TPSG1: variants seen among roughly 807,000 people sequenced by gnomAD.
TPSG1 encodes tryptase gamma.
Under a neutral mutation model 23.8 loss-of-function variants are expected in TPSG1, and 43 were observed. That is an observed-to-expected ratio of 1.81 (90% CI 1.42 to 2.33). The LOEUF (loss-of-function observed/expected upper bound fraction) is 2.33, where lower values mean the gene tolerates loss of function less well. Ranked by LOEUF, TPSG1 falls within the 30% of genes most tolerant of loss-of-function variation. The pLI, the probability that TPSG1 is intolerant of heterozygous loss-of-function variation, is 0.00. For synonymous variants in TPSG1, 302 were observed against 201.3 expected (o/e 1.50, Z -4.23); for missense variants, 623 against 438.6 (o/e 1.42, Z -3.75).
chr16:1,225,141 C>A (rs986118937), intron 1 of TPSG1, 66 bp downstream of exon 1: 20 of 1,530,152 alleles, frequency 1.3e-5, no homozygotes, highest in Middle Eastern at 1.7e-4. Flanking sequence ...CCAGTTTCAC[C>A]CCCATCAGGG....
In TPSG1 at chr16:1,224,487, A is replaced by G. The variant is rs543733083; in HGVS notation, c.73+115T>C. On this transcript the variant is annotated intron_variant, in intron 2 of 5. Transcript: ENST00000234798. ...ATGCGAGCAGAAACCACGGCGACAA[A>G]CTATGACCTCCCCGGGCCCCCATTG... 2.2e-3 allele frequency: 3,161 copies of G among 1,410,014 alleles called. 14 individuals are homozygous for G. Among genetic ancestry groups the G allele is most frequent in the South Asian group, 2.1e-3 (169 of 80,422 alleles). 87.3% of individuals were successfully genotyped at this position (1,410,014 alleles called of 1,614,324 possible).
At chr16:1,223,193 A>G (rs75241984) in intron 3 of TPSG1, among the ~76,000 whole-genome samples, 2 of 152,196 alleles carry the variant, frequency 1.3e-5, no homozygotes, top group Admixed American at 1.3e-4. Context: ...CCACGTGAAG[A>G]GACCGAGGGG....
intron 1 of TPSG1, 175 bp from the exon 2 acceptor site, chr16:1,224,803 T>A: frequency 1.3e-6 from 1 of 760,780 alleles, no homozygotes; most frequent in Non-Finnish European, 2.1e-6. Context: ...CAGGGCTGGG[T>A]GGGACAAGCC....
At chr16:1,223,355 C>T (rs1367729690) in intron 3 of TPSG1, 68 bp downstream of exon 3, 1 of 1,480,352 alleles carries the variant, frequency 6.8e-7, no homozygotes, top group Non-Finnish European at 9.0e-7. Flanking sequence ...AAGTGGAGGC[C>T]TCTGCGCTGG....
intron 1 of TPSG1, 62 bp from the exon 2 acceptor site, chr16:1,224,690 CCA>C: frequency 6.2e-7 from 1 of 1,609,010 alleles, no homozygotes; most frequent in Non-Finnish European, 8.5e-7. Flanking sequence ...TGTGCGGGCT[CCA>C]GAGGCCCCTG....
intron 1 of TPSG1, 93 bp downstream of exon 1, chr16:1,225,114 C>T: frequency 4.8e-6 from 7 of 1,468,722 alleles, no homozygotes; most frequent in South Asian, 1.2e-5. Context: ...GCATGTTTCT[C>T]CGTCTCAGAC....
At position 1,221,946 on chromosome 16, in the gene TPSG1, T is replaced by G. The variant is rs776986160; in HGVS notation, c.808A>C (p.Thr270Pro). Residue 270 changes from threonine (T) to proline (P), a missense_variant, in exon 6 of 6, where the codon ACA (threonine) becomes CCA (proline). By Grantham distance (38) the Thr-to-Pro change is conservative. Transcript: ENST00000234798. ...CCAGACTCTGAGCCCCCTGATGCTG[T>G]GATGTGGCGGCGGATCCAGTTCACG... ...AYVNWIRRHI[T>P]ASGGSESGYP... 29 of 1,611,908 alleles carry G rather than the reference T, an allele frequency of 1.8e-5. No homozygotes were observed. In the Admixed American group the frequency reaches 4.8e-4, roughly 27 times the overall value.
At chr16:1,223,271 G>T (rs1483324390) in intron 3 of TPSG1, 152 bp downstream of exon 3, 12 of 1,056,222 alleles carry the variant, frequency 1.1e-5, no homozygotes, top group Middle Eastern at 3.2e-4. Context: ...CACAGAAGGT[G>T]GGCAACCAGC....
rs2029967105 is a variant in TPSG1, at chr16:1,223,550, C to T, written c.118G>A (p.Gly40Arg). Residue 40 changes from glycine (G) to arginine (R), a missense_variant, in exon 3 of 6, where the codon GGG becomes AGG. Physicochemically the swap from Gly to Arg is moderately radical, Grantham distance 125. Coordinates refer to ENST00000234798, the MANE Select transcript of TPSG1 (RefSeq NM_012467.4). ...GCGCCGGCCGGGGCAGCGTGACCCC[C>T]CACGATCCGGCCGCCTGCATCCGAA... ...QVSDAGGRIV[G>R]GHAAPAGAWP... 1 of 1,547,154 alleles carries T rather than the reference C, an allele frequency of 6.5e-7. No homozygotes were observed. The highest frequency in any genetic ancestry group is 1.2e-5 in the South Asian group (1 of 84,210).
intron 2 of TPSG1, chr16:1,224,101 TAAG>T (rs1294514849): frequency 3.1e-5 from 6 of 191,196 alleles, no homozygotes; most frequent in Non-Finnish European, 6.3e-5. Context: ...CTCAGTAAGT[TAAG>T]AAGAAATTAA....
At position 1,221,687 on chromosome 16, in the gene TPSG1, G is replaced by T; in HGVS notation, c.*101C>A. On this transcript the variant is annotated 3_prime_UTR_variant, in exon 6 of 6. Transcript: ENST00000234798. ...TGCTTTTAAATTCAGGTTAAATGTTGCAATAATCTGATGCAGAAGACTCAG... is the reference window on the plus strand; with the variant it reads ...TGCTTTTAAATTCAGGTTAAATGTTTCAATAATCTGATGCAGAAGACTCAG... The T allele has an allele frequency of 8.4e-7, 1 of 1,189,250 alleles. No homozygotes were observed. The highest frequency in any genetic ancestry group is 1.2e-6 in the Non-Finnish European group (1 of 861,288). 73.7% of individuals were successfully genotyped at this position (1,189,250 alleles called of 1,614,324 possible).
intron 2 of TPSG1, 121 bp from the exon 3 acceptor site, chr16:1,223,715 T>A: frequency 8.2e-7 from 1 of 1,214,240 alleles, no homozygotes; most frequent in Non-Finnish European, 1.1e-6. Context: ...TTCAGCTCTC[T>A]CGTCTGCCAG....
Position 1,222,040 on chromosome 16 carries a change from G to A in TPSG1, c.714C>T (p.Gly238=). Residue 238 remains glycine, a synonymous_variant, in exon 6 of 6, where the codon GGC becomes GGT. Coordinates refer to ENST00000234798, the MANE Select transcript of TPSG1 (RefSeq NM_012467.4). ...CGCAGCCCTCACCCCAGCTCACAGT[G>A]CCAGCCTGCACCCAGGCACCGTTCA... The part of the protein sequence containing the change: ...CQVNGAWVQA[G]TVSWGEGCGR... 3 of 1,612,790 alleles carry A rather than the reference G, an allele frequency of 1.9e-6. No homozygotes were observed. Among genetic ancestry groups the A allele is most frequent in the Non-Finnish European group, 2.5e-6 (3 of 1,179,998 alleles).
chr16:1,222,182 C>T lies in TPSG1; in HGVS notation c.657+14G>A, dbSNP rs908900209. 6 of 1,611,392 alleles carry T rather than the reference C, an allele frequency of 3.7e-6. No individual in the cohort carries two copies. The highest frequency in any genetic ancestry group is 4.2e-6 in the Non-Finnish European group (5 of 1,179,710). On this transcript the variant is annotated intron_variant, in intron 5 of 5. Transcript: ENST00000234798. ...CAGCCGCCCCCATCCTCTGTCACGG[C>T]CTGGCAGGCTCACCTGGCAGGCATC...
chr16:1,223,462 C>A lies in TPSG1; in HGVS notation c.206G>T (p.Ser69Ile). ...RVHVCGGSLLSPQWVLTAAHC... is the reference protein window; with the variant it reads ...RVHVCGGSLLIPQWVLTAAHC... The stretch of plus-strand genomic sequence containing the variant: ...GGCAGCTGTGAGCACCCACTGGGGG[C>A]TGAGCAGTGACCCGCCGCACACGTG... The change falls in exon 3 of 6, where the codon AGC (serine) becomes ATC (isoleucine). Residue 69 changes from serine (S) to isoleucine (I), a missense_variant. Ser to Ile is a moderately radical substitution (Grantham distance 142, BLOSUM62 -2). Coordinates refer to ENST00000234798, the MANE Select transcript of TPSG1 (RefSeq NM_012467.4). The A allele has an allele frequency of 6.3e-7, 1 of 1,588,662 alleles. No homozygotes were observed. Among genetic ancestry groups the A allele is most frequent in the Non-Finnish European group, 8.5e-7 (1 of 1,169,986 alleles).
rs772533218 is a variant in TPSG1, at chr16:1,223,497, C to T, written c.171G>A (p.Leu57=). 33 of 1,572,910 alleles carry T rather than the reference C, an allele frequency of 2.1e-5. No homozygotes were observed. The highest frequency in any genetic ancestry group is 2.8e-5 in the Non-Finnish European group (32 of 1,162,012). ...ACCCGCCGCACACGTGCACCCTCCGCAGGCGGAGGCTGGCCTGCCATGGCC... is the reference window on the plus strand; with the variant it reads ...ACCCGCCGCACACGTGCACCCTCCGTAGGCGGAGGCTGGCCTGCCATGGCC... ...GAWPWQASLR[L]RRVHVCGGSL... is the part of the protein sequence containing the mutation. Residue 57 remains leucine (L), a synonymous_variant, in exon 3 of 6, where the codon CTG becomes CTA. Transcript: ENST00000234798.
At position 1,221,654 on chromosome 16, in the gene TPSG1, G is replaced by GT; in HGVS notation, c.*133dup. On this transcript the variant is annotated 3_prime_UTR_variant, in exon 6 of 6. Coordinates refer to ENST00000234798, the MANE Select transcript of TPSG1 (RefSeq NM_012467.4). ...CCGCGAGATTCCCATTGACACCTTT[G>GT]TTTCGTGTGCTTTTAAATTCAGGTT... The GT allele has an allele frequency of 2.0e-6, 2 of 1,012,156 alleles. No individual in the cohort carries two copies. The highest frequency in any genetic ancestry group is 1.6e-5 in the African/African-American group (1 of 61,460). The allele number at this position is 1,012,156 out of a possible 1,614,324, so 62.7% of individuals were successfully genotyped here.
chr16:1,224,544 C>A, intron 2 of TPSG1, 58 bp downstream of exon 2: 1 of 1,609,970 alleles, frequency 6.2e-7, no homozygotes. Flanking sequence ...TCACCGAGGC[C>A]CTCCTGCCAG....
intron 2 of TPSG1, 87 bp from the exon 3 acceptor site, chr16:1,223,681 C>T (rs547101341): frequency 2.1e-6 from 3 of 1,444,284 alleles, no homozygotes; most frequent in South Asian, 2.6e-5. Flanking sequence ...ACCACACCTC[C>T]CTGCCTTCTT....
Sources: gnomAD v4.1 joint callset for allele counts (sites outside exome capture counted in the v4.1 genomes callset) on GRCh38, gnomAD v4.1.1 for gene constraint, MANE v1.5 for transcripts, NCBI Gene and HGNC (gene_info 2026-07-23, HGNC 2026-07-21) for gene names.